The following SLC49A3 variants were observed in gnomAD, a reference collection of about 807,000 sequenced individuals.
The protein encoded by SLC49A3 is solute carrier family 49 member 3.
SLC49A3 carries 50 observed loss-of-function variants against 43.8 expected under a neutral mutation model. The ratio of observed to expected loss-of-function variants is 1.14; its 90% CI spans 0.91 to 1.45. SLC49A3 has a LOEUF of 1.45. Among genes scored for constraint, SLC49A3 ranks in the 40% most tolerant of loss-of-function variants. The pLI, the probability that SLC49A3 is intolerant of heterozygous loss-of-function variation, is 0.00. For missense variants in SLC49A3, 906 were observed against 774.1 expected, an observed-to-expected ratio of 1.17 and a Z score of -2.02; for synonymous variants, 413 against 352.0, an observed-to-expected ratio of 1.17 and a Z score of -1.94.
At chr4:680,883 T>G, downstream of SLC49A3, 1 of 654,806 alleles carries the variant, frequency 1.5e-6, no homozygotes, top group African/African-American at 1.8e-5. Context: ...GTAACCTCCT[T>G]CCGGCTCTGT....
At position 685,235 on chromosome 4, in the gene SLC49A3, A is replaced by C. The variant is rs1182807952; in HGVS notation, c.586-379T>G. The C allele has an allele frequency of 2.7e-5, 9 of 332,322 alleles. No homozygotes were observed. Among genetic ancestry groups the C allele is most frequent in the Admixed American group, 9.6e-5 (2 of 20,864 alleles). The allele number at this position is 332,322 out of a possible 1,614,324, so 20.6% of individuals were successfully genotyped here. On this transcript the variant is annotated intron_variant, in intron 4 of 9. Transcript: ENST00000322224. This position sits in a 1 kb window ranked among gnomAD's most constrained non-coding sequence, Gnocchi z 4.3. ...CGCTCAGTACATACCCCCAAGCACA[A>C]ACACACCACCCGCACCTGATACACA...
chr4:681,714 AGCGCCGCCCCGCCCCCTCCAGCGCC>A (rs1560158050), downstream of SLC49A3: 2 of 78,742 alleles, frequency 2.5e-5, no homozygotes, highest in African/African-American at 1.6e-4. Flanking sequence ...CGCCCCCTCC[AGCGCCGCCCCGCCCCCTCCAGCGCC>A]GCCCCGCCCC....
At position 689,144 on chromosome 4, in the gene SLC49A3, G is replaced by C; in HGVS notation, c.-17C>G. Reference sequence around the variant, plus strand: ...CCCCGCCATCGTCGGCGGCCTCCACGGGTCTCCGCCGGTCCCGCCGGCCGC... The same window carrying C: ...CCCCGCCATCGTCGGCGGCCTCCACCGGTCTCCGCCGGTCCCGCCGGCCGC... On this transcript the variant is annotated 5_prime_UTR_variant, in exon 1 of 10. Transcript: ENST00000322224. 7.5e-7 allele frequency: 1 copy of C among 1,328,006 alleles called. No homozygotes were observed. Among genetic ancestry groups the C allele is most frequent in the East Asian group, 3.1e-5 (1 of 31,818 alleles). 82.3% of individuals were successfully genotyped at this position (1,328,006 alleles called of 1,614,324 possible). A position where few individuals can be genotyped will look rare whatever the true frequency, so the allele number is the denominator to read the frequency against.
At chr4:690,298 AGGGGGT>A (rs1042699179), upstream of SLC49A3, among the ~76,000 whole-genome samples, 42 of 152,098 alleles carry the variant, frequency 2.8e-4, no homozygotes, top group African/African-American at 9.6e-4. Flanking sequence ...GTGGGCCCCA[AGGGGGT>A]TCCATTCTCT....
chr4:677,496 C>A (rs756431505), downstream of SLC49A3, among the ~76,000 whole-genome samples: 1 of 152,202 alleles, frequency 6.6e-6, no homozygotes, highest in Admixed American at 6.5e-5. Flanking sequence ...TGAGGTCAGA[C>A]GGGGTGGTCC....
downstream of SLC49A3, chr4:681,674 AGCGCCGC>A (rs1739624891): frequency 3.0e-4 from 1 of 3,388 alleles, no homozygotes; most frequent in South Asian, 0.014. Flanking sequence ...CGCCCCCTCC[AGCGCCGC>A]CCCGCCCCCT....
Sources: allele counts gnomAD v4.1 joint callset (sites outside exome capture counted in the v4.1 genomes callset), GRCh38; gene constraint gnomAD v4.1.1; non-coding constraint Gnocchi (gnomAD v3.1); transcripts MANE v1.5; gene names NCBI Gene and HGNC (gene_info 2026-07-23, HGNC 2026-07-21).